SERPINA12: variants seen among roughly 807,000 people sequenced by gnomAD.
The protein encoded by SERPINA12 is serpin family A member 12.
SERPINA12 carries 21 observed loss-of-function variants against 25.9 expected under a neutral mutation model. The observed-to-expected ratio is 0.81, with a 90% confidence interval of 0.58 to 1.17. The LOEUF is 1.17. Among genes scored for constraint, SERPINA12 ranks in the 50% most tolerant of loss-of-function variants. SERPINA12 has a pLI of 0.00. For missense variants in SERPINA12, 562 were observed against 508.3 expected (o/e 1.11, Z -1.02); for synonymous variants, 220 against 196.0 (o/e 1.12, Z -1.02).
chr14:94,504,348 T>C (rs547037864), intron 1 of SERPINA12: 1 of 152,230 alleles, frequency 6.6e-6, no homozygotes, highest in Non-Finnish European at 1.5e-5. Flanking sequence ...CCCACTGGGC[T>C]GTGGCTTCCC....
intron 3 of SERPINA12, among the ~76,000 whole-genome samples, chr14:94,493,569 C>A (rs1454367942): frequency 6.6e-6 from 1 of 152,188 alleles, no homozygotes; most frequent in Non-Finnish European, 1.5e-5. Context: ...TTGGACTTCA[C>A]AAGACGCCAC....
Position 94,498,026 on chromosome 14 carries a change from G to A in SERPINA12, c.372C>T (p.Thr124=). 6.2e-7 allele frequency: 1 copy of A among 1,614,068 alleles called. No individual in the cohort carries two copies. The highest frequency in any genetic ancestry group is 1.1e-5 in the South Asian group (1 of 91,068). The change falls in exon 2 of 5, where the codon ACC becomes ACT. Residue 124 remains threonine, a synonymous_variant. Transcript: ENST00000677451. ...TCAGTTTGAGGTCCTGGGTCTTCTG[G>A]GTCAGCTCGTGGATGATGTAATGGA... ...EGFHYIIHEL[T]QKTQDLKLSI...
intron 1 of SERPINA12, among the ~76,000 whole-genome samples, chr14:94,498,966 G>A (rs996400611): frequency 4.6e-5 from 7 of 152,174 alleles, no homozygotes; most frequent in African/African-American, 1.7e-4. Context: ...ATAGAGGGAG[G>A]TGGAAAGACA....
chr14:94,510,090 C>T, upstream of SERPINA12: 1 of 985,428 alleles, frequency 1.0e-6, no homozygotes, highest in Non-Finnish European at 1.2e-6. Flanking sequence ...GGGTACCAGA[C>T]ATAGGTGACT....
At chr14:94,511,525 G>C, upstream of SERPINA12, 1 of 985,422 alleles carries the variant, frequency 1.0e-6, no homozygotes, top group African/African-American at 1.7e-5. Flanking sequence ...TTAAATGCTG[G>C]CTCCTGGGAT....
upstream of SERPINA12, among the ~76,000 whole-genome samples, chr14:94,512,116 CAA>C (rs1184148477): frequency 1.3e-5 from 2 of 152,030 alleles, no homozygotes; most frequent in African/African-American, 4.8e-5. Flanking sequence ...CAAAACAAAA[CAA>C]GAGTTCTGTG....
intron 1 of SERPINA12, among the ~76,000 whole-genome samples, chr14:94,504,613 G>A (rs1163916560): frequency 6.6e-6 from 1 of 152,116 alleles, no homozygotes; most frequent in Non-Finnish European, 1.5e-5. Flanking sequence ...GGAGTCCTTT[G>A]GGGAAAAAGT....
intron 3 of SERPINA12, among the ~76,000 whole-genome samples, chr14:94,495,925 C>T (rs1900397483): frequency 6.6e-6 from 1 of 152,190 alleles, no homozygotes; most frequent in African/African-American, 2.4e-5. Context: ...TATTCTTCAA[C>T]TATTATTTGT....
chr14:94,510,565 T>C (rs1901082618), upstream of SERPINA12, among the ~76,000 whole-genome samples: 1 of 152,188 alleles, frequency 6.6e-6, no homozygotes, highest in African/African-American at 2.4e-5. Context: ...CTTAAGGAAC[T>C]AAAAGGAGAG....
At chr14:94,511,872 T>G (rs534424946), upstream of SERPINA12, 3 of 245,070 alleles carry the variant, frequency 1.2e-5, no homozygotes, top group South Asian at 4.5e-4. Flanking sequence ...CCAAGGCAGG[T>G]GGATTGCTTG....
At position 94,498,285 on chromosome 14, in the gene SERPINA12, C is replaced by A. The variant is rs951025355; in HGVS notation, c.113G>T (p.Gly38Val). The change falls in exon 2 of 5, where the codon GGA becomes GTA. Residue 38 changes from glycine (G) to valine (V), a missense_variant. Physicochemically the swap from Gly to Val is moderately radical, Grantham distance 109. Transcript: ENST00000677451. ...RNYKALSEVQ[G>V]WKQRMAAKEL... The stretch of plus-strand genomic sequence containing the variant: ...CTTGGCTGCCATCCTTTGCTTCCAT[C>A]CTTGGACCTCGCTCAAAGCTTTATA... The A allele has an allele frequency of 2.0e-5, 32 of 1,614,096 alleles. No individual in the cohort carries two copies. Among genetic ancestry groups the A allele is most frequent in the Non-Finnish European group, 2.7e-5 (32 of 1,180,050 alleles).
upstream of SERPINA12, among the ~76,000 whole-genome samples, chr14:94,509,689 A>AG (rs1901058610): frequency 6.6e-6 from 1 of 152,128 alleles, no homozygotes. Context: ...CCAAATAGCA[A>AG]GGGGCACTGT....
At chr14:94,488,644 T>C (rs752519117) in intron 4 of SERPINA12, among the ~76,000 whole-genome samples, 1 of 152,186 alleles carries the variant, frequency 6.6e-6, no homozygotes, top group Non-Finnish European at 1.5e-5. Context: ...TCAAATTTAA[T>C]TGGGTATCCT....
chr14:94,510,074 T>C, upstream of SERPINA12: 3 of 985,394 alleles, frequency 3.0e-6, no homozygotes, highest in South Asian at 9.4e-5. Context: ...CCTGGGCCTG[T>C]GGTCTGGGTA....
At chr14:94,493,810 C>T (rs1366208746) in intron 3 of SERPINA12, among the ~76,000 whole-genome samples, 1 of 152,196 alleles carries the variant, frequency 6.6e-6, no homozygotes, top group African/African-American at 2.4e-5. Flanking sequence ...CTCAAAGGTT[C>T]TATTTCACTC....
rs547116857 is a variant in SERPINA12 at position 94,503,802 on chromosome 14, A to G, written c.-33-5372T>C. ...AGAGATAAAGATTCACAAACAGCTC[A>G]CACACAAGGATGACTGTGGCCAGCA... On this transcript the variant is annotated intron_variant, in intron 1 of 4. Transcript: ENST00000677451. 3.3e-5 allele frequency among the ~76,000 whole-genome samples: 5 copies of G among 152,354 alleles called. No homozygotes were observed. The East Asian group carries it at 9.6e-4, about 29-fold the overall frequency.
intron 2 of SERPINA12, among the ~76,000 whole-genome samples, chr14:94,514,977 G>A (rs1462116323): frequency 6.6e-6 from 1 of 152,178 alleles, no homozygotes; most frequent in Non-Finnish European, 1.5e-5. Flanking sequence ...ACGGTGGCCG[G>A]AGAAATGGTG....
At position 94,489,890 on chromosome 14, in the gene SERPINA12, T is replaced by C. The variant is rs983968093; in HGVS notation, c.906-123A>G. On this transcript the variant is annotated intron_variant, in intron 3 of 4. Coordinates refer to ENST00000677451, the MANE Select transcript of SERPINA12 (RefSeq NM_001382267.1). ...CCCAAAGGTCTCCAATCTCTCTCCA[T>C]CCACAGAATGAGGAGGGGCTCCTTA... is the stretch of plus-strand genomic sequence containing the variant. 9.3e-6 allele frequency: 9 copies of C among 971,676 alleles called. No individual in the cohort carries two copies. In the East Asian group the frequency reaches 2.0e-4, roughly 21 times the overall value. 60.2% of individuals were successfully genotyped at this position (971,676 alleles called of 1,614,324 possible). A position where few individuals can be genotyped will look rare whatever the true frequency, so the allele number is the denominator to read the frequency against.
chr14:94,497,457 C>A (rs924265193), intron 2 of SERPINA12, among the ~76,000 whole-genome samples: 4 of 151,858 alleles, frequency 2.6e-5, no homozygotes, highest in Non-Finnish European at 5.9e-5. Context: ...ATTTTTTTTT[C>A]TCATCTAAGT....
Sources: allele counts gnomAD v4.1 joint callset (sites outside exome capture counted in the v4.1 genomes callset), GRCh38; gene constraint gnomAD v4.1.1; transcripts MANE v1.5; gene names NCBI Gene and HGNC (gene_info 2026-07-23, HGNC 2026-07-21).